The following KCNQ3 variants were observed in gnomAD, a reference collection of about 807,000 sequenced individuals.
KCNQ3 encodes the protein potassium voltage-gated channel subfamily Q member 3, also known as potassium voltage-gated channel subfamily KQT member 3.
A neutral mutation model predicts 92.5 loss-of-function variants in KCNQ3; 30 were observed. The observed-to-expected ratio is 0.32, with a 90% CI of 0.24 to 0.44. The LOEUF (loss-of-function observed/expected upper bound fraction) is 0.44. KCNQ3 is among the 20% of genes least tolerant of loss of function. The probability of loss-of-function intolerance (pLI) is 1.00; values close to 1 mark genes in which losing one functional copy is unlikely to be tolerated. For missense variants in KCNQ3, 913 were observed against 1,140.3 expected (o/e 0.80, Z 2.87); for synonymous variants, 450 against 468.8 (o/e 0.96, Z 0.52).
At chr8:132,443,440 A>G (rs1396286249) in intron 1 of KCNQ3, among the ~76,000 whole-genome samples, 1 of 152,190 alleles carries the variant, frequency 6.6e-6, no homozygotes, top group Non-Finnish European at 1.5e-5. Context: ...ATTAATGAGA[A>G]TCAAAAGGTT....
intron 1 of KCNQ3, among the ~76,000 whole-genome samples, chr8:132,282,147 A>G (rs1396685715): frequency 6.6e-6 from 1 of 152,142 alleles, no homozygotes; most frequent in African/African-American, 2.4e-5. Flanking sequence ...TATCAACACC[A>G]TGAGATAAAG....
In KCNQ3 at chr8:132,150,944, C is replaced by T. The variant is rs913590436; in HGVS notation, c.1263-9613G>A. Among the ~76,000 whole-genome samples, 6 of 151,224 alleles carry T rather than the reference C, an allele frequency of 4.0e-5. 1 individual carries two copies. The South Asian group carries it at 8.3e-4, about 21-fold the overall frequency. ...GAAGATAAAAGCTGTGGTAATTTCA[C>T]GTGGCTTTAATCGTTGAAAAATAAA... On this transcript the variant is annotated intron_variant, in intron 9 of 14. Transcript: ENST00000388996.
At position 132,122,057 on chromosome 8, in the gene KCNQ3, C is replaced by T. The variant is rs1295533805; in HGVS notation, c.*7205G>A. The T allele has an allele frequency of 6.6e-6, 1 of 152,114 alleles. No homozygotes were observed. Among genetic ancestry groups the T allele is most frequent in the Non-Finnish European group, 1.5e-5 (1 of 68,038 alleles). The allele number at this position is 152,114 out of a possible 1,614,324, so 9.4% of individuals were successfully genotyped here. A position where few individuals can be genotyped will look rare whatever the true frequency, so the allele number is the denominator to read the frequency against. On this transcript the variant is annotated 3_prime_UTR_variant, in exon 15 of 15. Transcript: ENST00000388996. ...TGTAAAGCTGAGTGAACGTAGAAGC[C>T]CGAAGCATTGTGGAGGAGCTAGGGC... is the stretch of plus-strand genomic sequence containing the variant.
At chr8:132,337,420 C>T (rs1005821207) in intron 1 of KCNQ3, among the ~76,000 whole-genome samples, 1 of 152,036 alleles carries the variant, frequency 6.6e-6, no homozygotes, top group Non-Finnish European at 1.5e-5. Context: ...TTGCTTGAGC[C>T]CAAGGAGGTC....
chr8:132,377,284 GCTGGA>G (rs1374577931), intron 1 of KCNQ3, among the ~76,000 whole-genome samples: 1 of 152,182 alleles, frequency 6.6e-6, no homozygotes, highest in Non-Finnish European at 1.5e-5. Flanking sequence ...GGCCTTCATA[GCTGGA>G]CTGGAGCTAA....
rs543930426 is a variant in KCNQ3, at chr8:132,217,485, C to T, written c.387-31304G>A. ...CAGCACTTTGGGAGGCCGAGGTGGG[C>T]GGATCATGAGGTCAGGAGATGGAGA... On this transcript the variant is annotated intron_variant, in intron 1 of 14. Coordinates refer to ENST00000388996, the MANE Select transcript of KCNQ3 (RefSeq NM_004519.4). Among the ~76,000 whole-genome samples, 31 of 151,974 alleles carry T rather than the reference C, an allele frequency of 2.0e-4. No homozygotes were observed. In the East Asian group the frequency reaches 4.1e-3, roughly 20 times the overall value.
intron 9 of KCNQ3, among the ~76,000 whole-genome samples, chr8:132,146,905 G>T (rs542122587): frequency 1.3e-5 from 2 of 151,836 alleles, no homozygotes; most frequent in South Asian, 4.1e-4. Flanking sequence ...TGATACGCCC[G>T]CCTCGGCCTC....
At chr8:132,273,298 A>G (rs1438225052) in intron 1 of KCNQ3, among the ~76,000 whole-genome samples, 2 of 152,206 alleles carry the variant, frequency 1.3e-5, no homozygotes, top group Non-Finnish European at 2.9e-5. Flanking sequence ...CACAGGCTCA[A>G]CATCATGTGG....
chr8:132,181,197 G>A (rs185771642), intron 3 of KCNQ3, among the ~76,000 whole-genome samples: 95 of 152,284 alleles, frequency 6.2e-4, no homozygotes, highest in African/African-American at 2.2e-3. Flanking sequence ...GCAGGCTCTT[G>A]ACATCAAATC....
chr8:132,429,426 G>A (rs562116118), intron 1 of KCNQ3, among the ~76,000 whole-genome samples: 12 of 152,304 alleles, frequency 7.9e-5, no homozygotes, highest in African/African-American at 2.4e-4. Context: ...TAGGAAAGCT[G>A]TTGAAAACAG....
At position 132,180,338 on chromosome 8, in the gene KCNQ3, G is replaced by C. The variant is rs1426620666; in HGVS notation, c.605-9C>G. 3 of 1,613,734 alleles carry C rather than the reference G, an allele frequency of 1.9e-6. No homozygotes were observed. Among genetic ancestry groups the C allele is most frequent in the Admixed American group, 1.7e-5 (1 of 60,034 alleles). The stretch of plus-strand genomic sequence containing the variant: ...AATCAGCACAAAGATGTCTGGGAGA[G>C]AGGACAGACAGAGTGGGAGGGAAGA... On this transcript the variant is annotated splice_polypyrimidine_tract_variant and intron_variant, in intron 3 of 14. Coordinates refer to ENST00000388996, the MANE Select transcript of KCNQ3 (RefSeq NM_004519.4).
At chr8:132,249,704 AG>A (rs1004252596) in intron 1 of KCNQ3, among the ~76,000 whole-genome samples, 4 of 152,126 alleles carry the variant, frequency 2.6e-5, no homozygotes, top group Non-Finnish European at 4.4e-5. Context: ...ACCGCAGAGC[AG>A]GGGGCGGTGC....
chr8:132,159,978 T>G (rs774762834), intron 9 of KCNQ3, among the ~76,000 whole-genome samples: 6 of 152,178 alleles, frequency 3.9e-5, no homozygotes, highest in Non-Finnish European at 7.3e-5. Flanking sequence ...TAGGAGATAA[T>G]GCAGCGAATA....
At chr8:132,153,606 A>G (rs1416491188) in intron 9 of KCNQ3, among the ~76,000 whole-genome samples, 11 of 152,152 alleles carry the variant, frequency 7.2e-5, no homozygotes, top group African/African-American at 2.7e-4. Context: ...TTCCCATTTC[A>G]TGGATAAAAA....
At chr8:132,366,467 C>T (rs6415551) in intron 1 of KCNQ3, among the ~76,000 whole-genome samples, 47,545 of 151,914 alleles carry the variant, frequency 0.31, 8,818 homozygotes, top group African/African-American at 0.52. Flanking sequence ...TTGGCTAGTA[C>T]CTCTAGTTCA....
At chr8:132,175,675 G>A (rs946258078) in intron 4 of KCNQ3, 67 bp from the exon 5 acceptor site, 5 of 1,490,000 alleles carry the variant, frequency 3.4e-6, no homozygotes, top group Non-Finnish European at 4.6e-6. Context: ...GCTGGAGCCA[G>A]ACACACCAGA....
chr8:132,325,984 C>T (rs1249362591), intron 1 of KCNQ3, among the ~76,000 whole-genome samples: 1 of 152,128 alleles, frequency 6.6e-6, no homozygotes, highest in Non-Finnish European at 1.5e-5. Flanking sequence ...GTAAAAGGGA[C>T]AATATTTGTT....
chr8:132,384,238 G>A (rs2198986), intron 1 of KCNQ3, among the ~76,000 whole-genome samples: 1 of 152,118 alleles, frequency 6.6e-6, no homozygotes, highest in East Asian at 1.9e-4. Flanking sequence ...AGCTGCTATA[G>A]CTCTTATTTT....
At chr8:132,227,174 T>C (rs146233046) in intron 1 of KCNQ3, among the ~76,000 whole-genome samples, 135 of 151,824 alleles carry the variant, frequency 8.9e-4, no homozygotes, top group Middle Eastern at 6.8e-3. Context: ...CTGATTCTCC[T>C]GGCTCAGCCT....
Sources: allele counts gnomAD v4.1 joint callset (sites outside exome capture counted in the v4.1 genomes callset), GRCh38; gene constraint gnomAD v4.1.1; transcripts MANE v1.5; gene names NCBI Gene and HGNC (gene_info 2026-07-23, HGNC 2026-07-21).